Variants in ZSWIM5 observed in about 807,000 individuals in gnomAD.
The protein encoded by ZSWIM5 is zinc finger SWIM domain-containing protein 5.
ZSWIM5 carries 55 observed loss-of-function variants against 119.6 expected under a neutral mutation model. The ratio of observed to expected loss-of-function variants is 0.46; its 90% confidence interval spans 0.37 to 0.58. The LOEUF is 0.58. Among genes scored for constraint, ZSWIM5 ranks in the 20% least tolerant of loss-of-function variants. The pLI is 0.00. For synonymous variants in ZSWIM5, 537 were observed against 606.9 expected, an observed-to-expected ratio of 0.88 and a Z score of 1.69; for missense variants, 1,193 against 1,512.8, an observed-to-expected ratio of 0.79 and a Z score of 3.51.
At chr1:45,055,247 C>A (rs987137474) in intron 4 of ZSWIM5, among the ~76,000 whole-genome samples, 1 of 152,150 alleles carries the variant, frequency 6.6e-6, no homozygotes, top group Non-Finnish European at 1.5e-5. Context: ...GCCTTGGCCT[C>A]CCAAAGTGCT....
intron 5 of ZSWIM5, among the ~76,000 whole-genome samples, chr1:45,044,452 G>A (rs922779567): frequency 7.9e-5 from 12 of 151,218 alleles, no homozygotes; most frequent in Admixed American, 4.0e-4. Flanking sequence ...GGCCGGGTGC[G>A]GTGGCTCACG....
At chr1:45,079,350 T>A (rs1645275194) in intron 2 of ZSWIM5, among the ~76,000 whole-genome samples, 1 of 152,184 alleles carries the variant, frequency 6.6e-6, no homozygotes, top group African/African-American at 2.4e-5. Context: ...TGGACGCGCA[T>A]GACACTTCCA....
At chr1:45,129,263 A>C (rs956497628) in intron 1 of ZSWIM5, among the ~76,000 whole-genome samples, 2 of 141,798 alleles carry the variant, frequency 1.4e-5, no homozygotes, top group South Asian at 4.3e-4. Context: ...AGTTCATGCC[A>C]TTCTCCTGCC....
intron 2 of ZSWIM5, 67 bp from the exon 3 acceptor site, chr1:45,060,314 C>T (rs1645145434): frequency 1.9e-6 from 3 of 1,548,628 alleles, no homozygotes; most frequent in African/African-American, 2.7e-5. Context: ...GCTGGAGGGG[C>T]ACTTTGTGAG....
chr1:45,168,501 T>TAAA (rs1491512242), intron 1 of ZSWIM5, among the ~76,000 whole-genome samples: 5 of 146,148 alleles, frequency 3.4e-5, no homozygotes, highest in African/African-American at 1.2e-4. Flanking sequence ...ATATTTTTTT[T>TAAA]AAAAAATACA....
In ZSWIM5 at chr1:45,206,075, G is replaced by T. The variant is rs779199999; in HGVS notation, c.276C>A (p.Pro92=). 15 of 1,611,734 alleles carry T rather than the reference G, an allele frequency of 9.3e-6. No individual in the cohort carries two copies. The South Asian group carries it at 1.6e-4, about 18-fold the overall frequency. Residue 92 remains proline, a synonymous_variant, in exon 1 of 14, where the codon CCC becomes CCA. Coordinates refer to ENST00000359600, the MANE Select transcript of ZSWIM5 (RefSeq NM_020883.2). ...VEERFERIPE[P]VQRRIVYWSF... ...ACCAGTAGACGATGCGGCGCTGCAC[G>T]GGCTCCGGGATCCGCTCGAAGCGCT...
intron 2 of ZSWIM5, among the ~76,000 whole-genome samples, chr1:45,081,886 G>C (rs1044450887): frequency 3.3e-5 from 5 of 152,058 alleles, no homozygotes; most frequent in Non-Finnish European, 7.4e-5. Flanking sequence ...GGAATAGAAA[G>C]GGGGGAAAGG....
intron 1 of ZSWIM5, among the ~76,000 whole-genome samples, chr1:45,182,387 G>T (rs1646026359): frequency 6.9e-6 from 1 of 145,028 alleles, no homozygotes. Flanking sequence ...CTGGGCGACA[G>T]AACGAGACTC....
intron 2 of ZSWIM5, among the ~76,000 whole-genome samples, chr1:45,081,458 G>C (rs1021082313): frequency 1.3e-5 from 2 of 152,000 alleles, no homozygotes; most frequent in African/African-American, 4.8e-5. Context: ...TTGCAGGCGC[G>C]CGCCGCCACG....
intron 4 of ZSWIM5, among the ~76,000 whole-genome samples, chr1:45,053,251 C>A (rs1405922568): frequency 6.6e-6 from 1 of 151,822 alleles, no homozygotes; most frequent in East Asian, 1.9e-4. Flanking sequence ...AACAGATTTT[C>A]ATATTTAATC....
intron 1 of ZSWIM5, among the ~76,000 whole-genome samples, chr1:45,094,968 G>C (rs1179382853): frequency 6.6e-6 from 1 of 151,540 alleles, no homozygotes; most frequent in Non-Finnish European, 1.5e-5. Context: ...TTAACCTACC[G>C]TTTACCAACT....
intron 1 of ZSWIM5, among the ~76,000 whole-genome samples, chr1:45,113,840 T>G (rs147059641): frequency 6.6e-6 from 1 of 152,328 alleles, no homozygotes; most frequent in African/African-American, 2.4e-5. Context: ...ATCTTTCTCC[T>G]AAAAATTATG....
At chr1:45,185,449 C>G (rs1646052052) in intron 1 of ZSWIM5, among the ~76,000 whole-genome samples, 1 of 151,884 alleles carries the variant, frequency 6.6e-6, no homozygotes, top group African/African-American at 2.4e-5. Context: ...AAACTACGAT[C>G]AGAGTGAACA....
chr1:45,039,371 T>C (rs1282048182), intron 7 of ZSWIM5, among the ~76,000 whole-genome samples: 2 of 152,230 alleles, frequency 1.3e-5, no homozygotes, highest in Admixed American at 1.3e-4. Flanking sequence ...CATGCCACCA[T>C]GCCCTGTTAA....
chr1:45,046,634 ATGTGTGTG>A lies in ZSWIM5; in HGVS notation c.1433-3247_1433-3240del, dbSNP rs60762459. On this transcript the variant is annotated intron_variant, in intron 5 of 13. Coordinates refer to ENST00000359600, the MANE Select transcript of ZSWIM5 (RefSeq NM_020883.2). ...TTGAGAGGAAAGGTCTGGGCAAGAT[ATGTGTGTG>A]TGTGTGTGTGTGTGTGTGTGTATAC... Among the ~76,000 whole-genome samples, 12 of 147,516 alleles carry A rather than the reference ATGTGTGTG, an allele frequency of 8.1e-5. No individual in the cohort carries two copies. The East Asian group carries it at 2.4e-3, about 30-fold the overall frequency.
At chr1:45,203,362 T>G (rs529360398) in intron 1 of ZSWIM5, among the ~76,000 whole-genome samples, 1 of 152,118 alleles carries the variant, frequency 6.6e-6, no homozygotes, top group South Asian at 2.1e-4. Flanking sequence ...TGCTTTCTTT[T>G]TTCATTTAAA....
At chr1:45,100,002 C>A (rs1645428674) in intron 1 of ZSWIM5, among the ~76,000 whole-genome samples, 1 of 152,172 alleles carries the variant, frequency 6.6e-6, no homozygotes, top group East Asian at 1.9e-4. Context: ...CAGGGATGCC[C>A]TCTCTCACAA....
rs753971747 is a variant in ZSWIM5 at position 45,020,196 on chromosome 1, C to T, written c.2614-49G>A. The stretch of plus-strand genomic sequence containing the variant: ...AGTGGGCTATGCCTAACTGTTGTGA[C>T]CTCTCCCTCCCCTTGCATTCATTTA... On this transcript the variant is annotated intron_variant, in intron 12 of 13. Transcript: ENST00000359600. The T allele has an allele frequency of 3.4e-6, 5 of 1,461,066 alleles. No individual in the cohort carries two copies. In the South Asian group the frequency reaches 5.7e-5, roughly 17 times the overall value. The allele number at this position is 1,461,066 out of a possible 1,614,324, so 90.5% of individuals were successfully genotyped here.
chr1:45,027,511 C>T lies in ZSWIM5; in HGVS notation c.2450-6723G>A, dbSNP rs147081120. Among the ~76,000 whole-genome samples the T allele has an allele frequency of 1.9e-3, 285 of 152,206 alleles. 1 individual carries two copies. Among genetic ancestry groups the T allele is most frequent in the African/African-American group, 6.4e-3 (264 of 41,530 alleles). ...CTCCTGGTTCAAGTGATTCTTCTGC[C>T]TCAGCCTCCTGAGTAGCTGAGATTA... On this transcript the variant is annotated intron_variant, in intron 11 of 13. Transcript: ENST00000359600.
Sources: allele counts gnomAD v4.1 joint callset (sites outside exome capture counted in the v4.1 genomes callset), GRCh38; gene constraint gnomAD v4.1.1; transcripts MANE v1.5; gene names NCBI Gene and HGNC (gene_info 2026-07-23, HGNC 2026-07-21).